The following SBF2 variants were observed in gnomAD, a reference collection of about 807,000 sequenced individuals.
SBF2 encodes the protein SET binding factor 2, also known as myotubularin-related protein 13.
Under a neutral mutation model 225.2 loss-of-function variants are expected in SBF2, and 112 were observed. That is an observed-to-expected ratio of 0.50 (90% CI 0.43 to 0.58). The LOEUF (loss-of-function observed/expected upper bound fraction) is 0.58, where lower values mean the gene tolerates loss of function less well. Ranked by LOEUF, SBF2 falls within the 20% of genes least tolerant of loss-of-function variation. The probability of loss-of-function intolerance (pLI) is 0.00; values close to 1 mark genes in which losing one functional copy is unlikely to be tolerated. For synonymous variants in SBF2, 763 were observed against 773.3 expected (o/e 0.99, Z 0.22); for missense variants, 1,996 against 2,206.2 (o/e 0.90, Z 1.91).
chr11:9,850,412 T>G (rs367843627), intron 21 of SBF2, among the ~76,000 whole-genome samples, 194 bp from the exon 22 acceptor site: 1 of 152,168 alleles, frequency 6.6e-6, no homozygotes, highest in Non-Finnish European at 1.5e-5. Flanking sequence ...TGCACCACTA[T>G]GCCTGGCTTA....
At chr11:10,151,440 A>G (rs143817715) in intron 2 of SBF2, among the ~76,000 whole-genome samples, 302 of 152,352 alleles carry the variant, frequency 2.0e-3, no homozygotes, top group Non-Finnish European at 3.6e-3. Context: ...TGGTATTCAA[A>G]TGTTACTACT....
At chr11:9,960,184 A>T (rs1866471751) in intron 16 of SBF2, 1 of 154,236 alleles carries the variant, frequency 6.5e-6, no homozygotes, top group Non-Finnish European at 1.4e-5. Flanking sequence ...TCGGAGCATT[A>T]ACCTCTCTCT....
intron 17 of SBF2, among the ~76,000 whole-genome samples, chr11:9,862,537 C>T (rs891404442): frequency 3.9e-5 from 6 of 152,142 alleles, no homozygotes; most frequent in Non-Finnish European, 8.8e-5. Flanking sequence ...CTTTCCATTA[C>T]TCTACGTTGT....
At chr11:10,290,360 G>A (rs924624252) in intron 1 of SBF2, among the ~76,000 whole-genome samples, 2 of 152,128 alleles carry the variant, frequency 1.3e-5, no homozygotes, top group Non-Finnish European at 2.9e-5. Flanking sequence ...GGGTACAACA[G>A]AGTGAGAAGG....
chr11:9,826,488 G>C (rs1346829236), intron 28 of SBF2, among the ~76,000 whole-genome samples: 1 of 152,156 alleles, frequency 6.6e-6, no homozygotes, highest in East Asian at 1.9e-4. Flanking sequence ...TAGAAAGCAA[G>C]CCTGACAAGA....
intron 16 of SBF2, among the ~76,000 whole-genome samples, chr11:9,898,774 G>C (rs1374126687): frequency 6.6e-6 from 1 of 152,140 alleles, no homozygotes; most frequent in Non-Finnish European, 1.5e-5. Context: ...ATAGGCTCAA[G>C]CTTCCTATAT....
chr11:9,790,761 G>A (rs1852690356), intron 33 of SBF2, 78 bp from the exon 34 acceptor site: 4 of 1,125,632 alleles, frequency 3.6e-6, no homozygotes. Flanking sequence ...GCATGCAGCA[G>A]ATAAAAAAGT....
intron 2 of SBF2, among the ~76,000 whole-genome samples, chr11:10,067,671 G>T (rs2134787512): frequency 6.6e-6 from 1 of 152,184 alleles, no homozygotes; most frequent in East Asian, 1.9e-4. Flanking sequence ...AAGGCAGAAG[G>T]ATTGCTTGAG....
At chr11:9,992,905 A>T in intron 11 of SBF2, 85 bp downstream of exon 11, 1 of 954,762 alleles carries the variant, frequency 1.0e-6, no homozygotes. Context: ...CAAGGTCAAA[A>T]TAAATGGCTC....
chr11:9,807,927 G>A (rs1199974623), intron 32 of SBF2, 73 bp downstream of exon 32: 19 of 1,339,178 alleles, frequency 1.4e-5, no homozygotes, highest in African/African-American at 2.9e-5. Flanking sequence ...GCACACCATC[G>A]CAATGCTCCA....
chr11:10,189,794 T>C (rs1040424492), intron 2 of SBF2, among the ~76,000 whole-genome samples: 2 of 152,190 alleles, frequency 1.3e-5, no homozygotes, highest in African/African-American at 4.8e-5. Context: ...CCTACTGAGA[T>C]TGTGGCATAT....
At chr11:10,088,926 T>C (rs1010724712) in intron 2 of SBF2, among the ~76,000 whole-genome samples, 6 of 152,236 alleles carry the variant, frequency 3.9e-5, no homozygotes, top group Admixed American at 1.3e-4. Flanking sequence ...TCTTTGCATA[T>C]AGTGGTTGTT....
At chr11:10,143,977 C>A (rs905671366) in intron 2 of SBF2, among the ~76,000 whole-genome samples, 12 of 152,164 alleles carry the variant, frequency 7.9e-5, no homozygotes, top group Admixed American at 7.2e-4. Context: ...TCTCGGCCTC[C>A]CAAAGTGCTG....
chr11:10,279,219 C>T (rs755044143), intron 1 of SBF2, among the ~76,000 whole-genome samples: 3 of 151,104 alleles, frequency 2.0e-5, no homozygotes, highest in Non-Finnish European at 2.9e-5. Context: ...TAAGACCAAC[C>T]TGGCCAACAT....
At chr11:10,065,583 C>T (rs1446036442) in intron 2 of SBF2, among the ~76,000 whole-genome samples, 1 of 151,948 alleles carries the variant, frequency 6.6e-6, no homozygotes, top group Non-Finnish European at 1.5e-5. Flanking sequence ...TTAAAAGGAT[C>T]ATAAGGGAAT....
chr11:9,860,267 T>G (rs1857625762), intron 17 of SBF2, among the ~76,000 whole-genome samples: 1 of 148,594 alleles, frequency 6.7e-6, no homozygotes, highest in African/African-American at 2.6e-5. Context: ...AACAGTTTTT[T>G]TTTTTTTTTT....
intron 17 of SBF2, among the ~76,000 whole-genome samples, chr11:9,872,372 T>C (rs7131516): frequency 0.26 from 40,232 of 152,072 alleles, 6,242 homozygotes; most frequent in African/African-American, 0.42. Context: ...GGTGGTGGCA[T>C]GATCTGTGCA....
intron 16 of SBF2, among the ~76,000 whole-genome samples, chr11:9,907,264 G>T (rs556091771): frequency 2.0e-5 from 3 of 151,930 alleles, no homozygotes; most frequent in Non-Finnish European, 2.9e-5. Flanking sequence ...TTCTCGGTAC[G>T]GATCCACCTC....
At chr11:10,045,793 T>C (rs953821596) in intron 2 of SBF2, among the ~76,000 whole-genome samples, 1 of 152,142 alleles carries the variant, frequency 6.6e-6, no homozygotes, top group African/African-American at 2.4e-5. Context: ...AGTCCTATAT[T>C]GTTAAAGAAA....
Sources: gnomAD v4.1 joint callset for allele counts (sites outside exome capture counted in the v4.1 genomes callset) on GRCh38, gnomAD v4.1.1 for gene constraint, MANE v1.5 for transcripts, NCBI Gene and HGNC (gene_info 2026-07-23, HGNC 2026-07-21) for gene names.